The following NELFA variants were observed in gnomAD, a reference collection of about 807,000 sequenced individuals.
NELFA encodes the protein negative elongation factor complex member A, also known as negative elongation factor A.
In NELFA, 35 loss-of-function variants were observed where a neutral mutation model predicts 51.8. The ratio of observed to expected loss-of-function variants is 0.68; its 90% CI spans 0.52 to 0.90. The LOEUF is 0.90. Ranked by LOEUF, NELFA falls within the 40% of genes least tolerant of loss-of-function variation. NELFA has a pLI of 0.00. For missense variants in NELFA, 658 were observed against 746.4 expected (o/e 0.88, Z 1.38); for synonymous variants, 417 against 338.4 (o/e 1.23, Z -2.55).
chr4:1,991,562 C>T lies in NELFA; in HGVS notation c.364G>A (p.Gly122Arg). 3 of 1,613,958 alleles carry T rather than the reference C, an allele frequency of 1.9e-6. No individual in the cohort carries two copies. Among genetic ancestry groups the T allele is most frequent in the Non-Finnish European group, 2.5e-6 (3 of 1,180,014 alleles). The change falls in exon 2 of 11, where the codon GGA becomes AGA. Residue 122 changes from glycine to arginine, a missense_variant. Gly to Arg is a moderately radical substitution (Grantham distance 125). Around this residue, in one of 3 missense-constraint regions of NELFA, gnomAD observed 371 missense variants for 448.3 expected, o/e 0.83. Transcript: ENST00000382882. ...AACATACCCTTTTCTCTAAGTTCTC[C>T]CAAAATATCCTGAACGTTGGGATTC... ...EQNPNVQDIL[G>R]ELREKVGECE...
intron 4 of NELFA, 93 bp from the exon 5 acceptor site, chr4:1,986,495 C>T (rs777449510): frequency 1.7e-5 from 27 of 1,578,210 alleles, no homozygotes; most frequent in African/African-American, 1.1e-4. Flanking sequence ...TCTAGGCTAG[C>T]GCCGCAGAGG....
rs1311666279 is a variant in NELFA at position 1,989,350 on chromosome 4, GACAGGGTCTC to G, written c.544+348_544+357del. Among the ~76,000 whole-genome samples, 111 of 152,140 alleles carry G rather than the reference GACAGGGTCTC, an allele frequency of 7.3e-4. No homozygotes were observed. Among genetic ancestry groups the G allele is most frequent in the Middle Eastern group, 6.8e-3 (2 of 294 alleles). On this transcript the variant is annotated intron_variant, in intron 3 of 10. Coordinates refer to ENST00000382882, the MANE Select transcript of NELFA (RefSeq NM_005663.5). The surrounding 1 kb of genome is among the most constrained non-coding windows in gnomAD (Gnocchi z 4.8). The stretch of plus-strand genomic sequence containing the variant: ...CAGAACTTTATCTTCTTTTTCTTGA[GACAGGGTCTC>G]ACTCTCTCCCAGGCTGGAGTGTAGT...
At chr4:2,007,323 C>G (rs993579369) in intron 1 of NELFA, 40 of 185,534 alleles carry the variant, frequency 2.2e-4, no homozygotes, top group African/African-American at 9.0e-4. Context: ...ATTCCAAACA[C>G]CTGAACATAT....
chr4:1,990,760 T>C (rs372111593), intron 2 of NELFA, among the ~76,000 whole-genome samples: 1 of 152,232 alleles, frequency 6.6e-6, no homozygotes, highest in Non-Finnish European at 1.5e-5. Context: ...AGCACAAGCA[T>C]CAAGCATCCC....
At chr4:1,993,230 T>A (rs1283227284) in intron 1 of NELFA, among the ~76,000 whole-genome samples, 1 of 152,232 alleles carries the variant, frequency 6.6e-6, no homozygotes, top group Non-Finnish European at 1.5e-5. Context: ...GTCAATGTTT[T>A]CTCTCCAGAA....
rs756290753 is a variant in NELFA at position 1,983,938 on chromosome 4, G to A, written c.1212C>T (p.Ala404=). The A allele has an allele frequency of 8.7e-6, 14 of 1,610,864 alleles. No individual in the cohort carries two copies. Among genetic ancestry groups the A allele is most frequent in the Non-Finnish European group, 1.1e-5 (13 of 1,178,954 alleles). Residue 404 remains alanine (A), a synonymous_variant, in exon 9 of 11, where the codon GCC becomes GCT. Coordinates refer to ENST00000382882, the MANE Select transcript of NELFA (RefSeq NM_005663.5). ...PLTPTTPPAV[A]PTTQTPPVAM... is the part of the protein sequence containing the mutation. ...CAACCGGGGGTGTCTGAGTGGTAGG[G>A]GCGACAGCCGGAGGTGTGGTGGGTG... is the stretch of plus-strand genomic sequence containing the variant.
At chr4:1,999,038 C>A (rs1348744856) in intron 1 of NELFA, among the ~76,000 whole-genome samples, 1 of 152,034 alleles carries the variant, frequency 6.6e-6, no homozygotes, top group Non-Finnish European at 1.5e-5. Context: ...AATTTAATAT[C>A]CAGCCAAACT....
At chr4:2,007,940 G>C (rs1486495289) in intron 1 of NELFA, 2 of 456,594 alleles carry the variant, frequency 4.4e-6, no homozygotes, top group South Asian at 3.1e-5. Context: ...ACAATATAAA[G>C]TTTAGGAAAA....
At chr4:1,988,213 G>A (rs1728168441) in intron 3 of NELFA, among the ~76,000 whole-genome samples, 1 of 152,198 alleles carries the variant, frequency 6.6e-6, no homozygotes, top group Non-Finnish European at 1.5e-5. Context: ...GCAAGTTTCG[G>A]GAGCTGGGTG....
At chr4:1,985,994 C>T (rs1474348488) in intron 6 of NELFA, 120 bp downstream of exon 6, 4 of 1,356,358 alleles carry the variant, frequency 2.9e-6, no homozygotes, top group African/African-American at 1.5e-5. Context: ...AGGCACCCAC[C>T]CACGGAGAGC....
intron 1 of NELFA, among the ~76,000 whole-genome samples, chr4:2,007,592 T>C (rs1055243591): frequency 3.3e-5 from 5 of 152,042 alleles, no homozygotes; most frequent in African/African-American, 1.2e-4. Context: ...TAGGGGTGCA[T>C]AAATAATTGC....
In NELFA at chr4:1,986,172, G is replaced by T; in HGVS notation, c.777C>A (p.Ile259=). The T allele has an allele frequency of 6.4e-7, 1 of 1,558,306 alleles. No homozygotes were observed. Among genetic ancestry groups the T allele is most frequent in the East Asian group, 2.4e-5 (1 of 41,474 alleles). The change falls in exon 6 of 11, where the codon ATC becomes ATA. Residue 259 remains isoleucine, a synonymous_variant. Coordinates refer to ENST00000382882, the MANE Select transcript of NELFA (RefSeq NM_005663.5). ...RKERGVKLLD[I]SELDMVGAGR... is the part of the protein sequence containing the mutation. Reference sequence around the variant, plus strand: ...CAGCGCCAACCATATCCAGCTCAGAGATGTCCAGCAGCTGCCAAGACAAGC... The same window carrying T: ...CAGCGCCAACCATATCCAGCTCAGATATGTCCAGCAGCTGCCAAGACAAGC...
chr4:1,991,726 G>A lies in NELFA; in HGVS notation c.211-11C>T. On this transcript the variant is annotated splice_polypyrimidine_tract_variant and intron_variant, in intron 1 of 10. Transcript: ENST00000382882. Reference sequence around the variant, plus strand: ...TAGGGCGCCCTTCATCTGCAAAATAGGATGCTGCCGGCGCCACCATGCCCC... The same window carrying A: ...TAGGGCGCCCTTCATCTGCAAAATAAGATGCTGCCGGCGCCACCATGCCCC... The A allele has an allele frequency of 6.3e-7, 1 of 1,576,256 alleles. No individual in the cohort carries two copies. The highest frequency in any genetic ancestry group is 1.2e-5 in the South Asian group (1 of 84,644).
intron 1 of NELFA, among the ~76,000 whole-genome samples, chr4:1,995,678 A>G (rs1233301446): frequency 2.6e-5 from 4 of 152,204 alleles, no homozygotes; most frequent in African/African-American, 9.7e-5. Flanking sequence ...ATGGAAGCAG[A>G]TTTTAAGAAC....
intron 8 of NELFA, among the ~76,000 whole-genome samples, chr4:1,984,412 AG>A (rs1728016980): frequency 6.6e-6 from 1 of 152,142 alleles, no homozygotes; most frequent in South Asian, 2.1e-4. Context: ...TGTATCCTCA[AG>A]CCCCTTGGGC....
rs139008938 is a variant in NELFA, at chr4:1,987,275, C to T, written c.634+643G>A. On this transcript the variant is annotated intron_variant, in intron 4 of 10. Coordinates refer to ENST00000382882, the MANE Select transcript of NELFA (RefSeq NM_005663.5). Reference sequence around the variant, plus strand: ...TTTACCCAGCTGTCTCAGCACAGGACGACACCCGTCCTGCCCTCTGGCCCC... The same window carrying T: ...TTTACCCAGCTGTCTCAGCACAGGATGACACCCGTCCTGCCCTCTGGCCCC... 4.1e-4 allele frequency among the ~76,000 whole-genome samples: 63 copies of T among 152,332 alleles called. 1 individual carries two copies. In the East Asian group the frequency reaches 9.9e-3, roughly 24 times the overall value.
Position 1,989,318 on chromosome 4 carries a change from CTT to C in NELFA, c.544+388_544+389del, listed in dbSNP as rs1178979424. Among the ~76,000 whole-genome samples the C allele has an allele frequency of 6.6e-6, 1 of 152,018 alleles. No individual in the cohort carries two copies. The highest frequency in any genetic ancestry group is 1.5e-5 in the Non-Finnish European group (1 of 68,006). Reference sequence around the variant, plus strand: ...ATAGTGATAAACTTCTAACAAAAAACTTTATGCAGAACTTTATCTTCTTTTTC... The same window carrying C: ...ATAGTGATAAACTTCTAACAAAAAACTATGCAGAACTTTATCTTCTTTTTC... On this transcript the variant is annotated intron_variant, in intron 3 of 10. Transcript: ENST00000382882. The surrounding 1 kb of genome is among the most constrained non-coding windows in gnomAD (Gnocchi z 4.8).
Position 1,986,260 on chromosome 4 carries a change from G to A in NELFA, c.765+12C>T. Reference sequence around the variant, plus strand: ...GCCCCGGGGTGCCACAGGAGCTGGGGGACGGGCCTACCTTCACACCTCGTT... The same window carrying A: ...GCCCCGGGGTGCCACAGGAGCTGGGAGACGGGCCTACCTTCACACCTCGTT... On this transcript the variant is annotated intron_variant, in intron 5 of 10. Transcript: ENST00000382882. 2.5e-6 allele frequency: 4 copies of A among 1,574,188 alleles called. No homozygotes were observed. Among genetic ancestry groups the A allele is most frequent in the Non-Finnish European group, 3.4e-6 (4 of 1,159,702 alleles).
In NELFA at chr4:2,007,921, G is replaced by A. The variant is rs775291593; in HGVS notation, c.210+829C>T. On this transcript the variant is annotated intron_variant, in intron 1 of 10. Transcript: ENST00000382882. ...AAAACTACTCGGTTTATTTCGCACG[G>A]AAAGCGATACAATATAAAGTTTAGG... 1.3e-4 allele frequency: 58 copies of A among 455,272 alleles called. 1 individual carries two copies. Among genetic ancestry groups the A allele is most frequent in the South Asian group, 8.5e-4 (55 of 64,500 alleles). The allele number at this position is 455,272 out of a possible 1,614,324, so 28.2% of individuals were successfully genotyped here.
Sources: allele counts gnomAD v4.1 joint callset (sites outside exome capture counted in the v4.1 genomes callset), GRCh38; gene constraint gnomAD v4.1.1; regional missense constraint gnomAD v4.1.1; non-coding constraint Gnocchi (gnomAD v3.1); transcripts MANE v1.5; gene names NCBI Gene and HGNC (gene_info 2026-07-23, HGNC 2026-07-21).